Variants in SMC3 observed in about 807,000 individuals in gnomAD.
The protein encoded by SMC3 is structural maintenance of chromosomes 3, also known as structural maintenance of chromosomes protein 3.
In SMC3, 20 loss-of-function variants were observed where a neutral mutation model predicts 171.8. The ratio of observed to expected loss-of-function variants is 0.12; its 90% CI spans 0.08 to 0.17. The LOEUF (loss-of-function observed/expected upper bound fraction) is 0.17, where lower values mean the gene tolerates loss of function less well. Ranked by LOEUF, SMC3 falls within the 10% of genes least tolerant of loss-of-function variation. The probability of loss-of-function intolerance (pLI) is 1.00; values close to 1 mark genes in which losing one functional copy is unlikely to be tolerated. For missense variants in SMC3, 543 were observed against 1,420.4 expected, an observed-to-expected ratio of 0.38 and a Z score of 9.93; for synonymous variants, 464 against 451.1, an observed-to-expected ratio of 1.03 and a Z score of -0.36.
intron 13 of SMC3, among the ~76,000 whole-genome samples, chr10:110,587,157 C>T (rs898191856): frequency 3.3e-5 from 5 of 152,230 alleles, no homozygotes; most frequent in South Asian, 2.1e-4. Flanking sequence ...GTATCTTGGC[C>T]GTAGCAACTG....
intron 10 of SMC3, 136 bp downstream of exon 10, chr10:110,582,778 C>T (rs758619714): frequency 6.5e-5 from 45 of 696,480 alleles, no homozygotes; most frequent in Non-Finnish European, 1.1e-4. Context: ...AGGCAATCCT[C>T]TTGCCGCAGC....
At chr10:110,596,933 G>A (rs1397237281) in intron 19 of SMC3, among the ~76,000 whole-genome samples, 3 of 151,772 alleles carry the variant, frequency 2.0e-5, no homozygotes, top group Non-Finnish European at 1.5e-5. Flanking sequence ...GAAGAGAGTG[G>A]GGGCGGCATC....
Position 110,590,436 on chromosome 10 carries a change from A to G in SMC3, c.1534A>G (p.Ile512Val). 6.2e-7 allele frequency: 1 copy of G among 1,614,088 alleles called. No homozygotes were observed. Reference sequence around the variant, plus strand: ...GGCCATTTTAAATGGAATAGACAGCATAAACAAAGTGCTAGACCACTTCCG... The same window carrying G: ...GGCCATTTTAAATGGAATAGACAGCGTAAACAAAGTGCTAGACCACTTCCG... ...GKAILNGIDS[I>V]NKVLDHFRRK... is the part of the protein sequence containing the mutation. The change falls in exon 16 of 29, where the codon ATA (isoleucine) becomes GTA (valine). Residue 512 changes from isoleucine (I) to valine (V), a missense_variant. Physicochemically the swap from Ile to Val is conservative, Grantham distance 29. Transcript: ENST00000361804.
chr10:110,597,824 T>C (rs1861324603), intron 19 of SMC3, among the ~76,000 whole-genome samples: 1 of 152,248 alleles, frequency 6.6e-6, no homozygotes, highest in Non-Finnish European at 1.5e-5. Flanking sequence ...TGAAAAGATA[T>C]TTAAAAGTAT....
At chr10:110,596,353 G>A (rs1225539185) in intron 18 of SMC3, 45 bp from the exon 19 acceptor site, 1 of 1,528,378 alleles carries the variant, frequency 6.5e-7, no homozygotes, top group Middle Eastern at 1.7e-4. Context: ...ATTTATCATT[G>A]AATAAAAAAG....
Position 110,601,008 on chromosome 10 carries a change from A to AT in SMC3, c.2536-8dup, listed in dbSNP as rs1861378063. 3 of 1,594,104 alleles carry AT rather than the reference A, an allele frequency of 1.9e-6. No individual in the cohort carries two copies. Among genetic ancestry groups the AT allele is most frequent in the East Asian group, 2.2e-5 (1 of 44,682 alleles). ...AACATTTGAAACTAATGGAATTTGT[A>AT]TTTTTTGTTACAGGAACTTAATGAG... On this transcript the variant is annotated splice_polypyrimidine_tract_variant and intron_variant, in intron 22 of 28. Coordinates refer to ENST00000361804, the MANE Select transcript of SMC3 (RefSeq NM_005445.4).
intron 16 of SMC3, 22 bp from the exon 17 acceptor site, chr10:110,590,969 G>GTC: frequency 6.2e-7 from 1 of 1,610,342 alleles, no homozygotes; most frequent in East Asian, 2.2e-5. Context: ...ATAAAGATTT[G>GTC]TCTTACTCTG....
intron 27 of SMC3, 72 bp downstream of exon 27, chr10:110,603,074 AAAATC>A (rs1343888420): frequency 1.9e-6 from 3 of 1,571,608 alleles, no homozygotes; most frequent in Non-Finnish European, 1.8e-6. Context: ...TATATATGAA[AAAATC>A]AAACTCAGGC....
Position 110,583,874 on chromosome 10 carries a change from G to GA in SMC3, c.1009dup (p.Ile337AsnfsTer28), listed in dbSNP as rs1861068352. 1 of 1,612,996 alleles carries GA rather than the reference G, an allele frequency of 6.2e-7. No individual in the cohort carries two copies. Among genetic ancestry groups the GA allele is most frequent in the Admixed American group, 1.7e-5 (1 of 59,942 alleles). ...ATTAAAAGAGAGGCAGAAGCTGCTT[G>GA]AAAAAATAGAAGAAAAGCAGAAAGA... On this transcript the variant is annotated frameshift_variant, in exon 12 of 29. Coordinates refer to ENST00000361804, the MANE Select transcript of SMC3 (RefSeq NM_005445.4). LOFTEE classifies it high-confidence loss of function.
At chr10:110,585,154 A>G (rs966063813) in intron 13 of SMC3, among the ~76,000 whole-genome samples, 1 of 150,356 alleles carries the variant, frequency 6.7e-6, no homozygotes, top group Non-Finnish European at 1.5e-5. Context: ...CTAATTTTGT[A>G]TTTTTAGTAG....
intron 24 of SMC3, 28 bp downstream of exon 24, chr10:110,601,912 C>CA: frequency 6.2e-7 from 1 of 1,612,932 alleles, no homozygotes; most frequent in Non-Finnish European, 8.5e-7. Context: ...AGTCTTGTTA[C>CA]AAATTGCTCA....
At chr10:110,600,651 CAG>C in intron 22 of SMC3, 105 bp downstream of exon 22, 1 of 728,386 alleles carries the variant, frequency 1.4e-6, no homozygotes, top group Middle Eastern at 2.4e-4. Context: ...GCTTTGGGGA[CAG>C]AAAGCTTAGT....
chr10:110,603,203 T>C lies in SMC3; in HGVS notation c.3495T>C (p.Ala1165=), dbSNP rs142395521. ...TTACAGATATGATTATGGAACTTGC[T>C]GTACATGCTCAGTTTATTACAACTA... ...KAVSDMIMEL[A]VHAQFITTTF... The change falls in exon 28 of 29, where the codon GCT becomes GCC. Residue 1165 remains alanine, a synonymous_variant. Coordinates refer to ENST00000361804, the MANE Select transcript of SMC3 (RefSeq NM_005445.4). 10 of 1,607,146 alleles carry C rather than the reference T, an allele frequency of 6.2e-6. No homozygotes were observed. Among genetic ancestry groups the C allele is most frequent in the African/African-American group, 1.3e-5 (1 of 74,762 alleles).
intron 1 of SMC3, 31 bp downstream of exon 1, chr10:110,567,862 T>A: frequency 1.2e-6 from 2 of 1,613,050 alleles, no homozygotes; most frequent in South Asian, 1.1e-5. Flanking sequence ...CACCCCGTCA[T>A]GGGCCGGTAA....
rs200186033 is a variant in SMC3, at chr10:110,582,547, T to TG, written c.724-14dup. 6.4e-7 allele frequency: 1 copy of TG among 1,561,642 alleles called. No homozygotes were observed. Among genetic ancestry groups the TG allele is most frequent in the African/African-American group, 1.5e-5 (1 of 68,718 alleles). ...ACAAAATGAGTTAGATATGATAAGT[T>TG]GTTTTTTTTCTTAGCTTTCTGCTAA... On this transcript the variant is annotated splice_polypyrimidine_tract_variant and intron_variant, in intron 9 of 28. Transcript: ENST00000361804.
chr10:110,584,775 C>T (rs1861083697), intron 13 of SMC3, among the ~76,000 whole-genome samples: 1 of 152,112 alleles, frequency 6.6e-6, no homozygotes, highest in African/African-American at 2.4e-5. Context: ...CATGTATCAC[C>T]AGGCCCAGCA....
chr10:110,579,830 T>C lies in SMC3; in HGVS notation c.430-1074T>C, dbSNP rs576938178. 8.5e-5 allele frequency among the ~76,000 whole-genome samples: 13 copies of C among 152,358 alleles called. No individual in the cohort carries two copies. The South Asian group carries it at 2.5e-3, about 29-fold the overall frequency. ...TTGATGTAGATACTTTTGATAGACC[T>C]ATTTTCGTAGAGATAATTTCAATTT... is the stretch of plus-strand genomic sequence containing the variant. On this transcript the variant is annotated intron_variant, in intron 7 of 28. Coordinates refer to ENST00000361804, the MANE Select transcript of SMC3 (RefSeq NM_005445.4).
At chr10:110,598,005 G>T (rs1861328061) in intron 19 of SMC3, 134 bp from the exon 20 acceptor site, 2 of 772,948 alleles carry the variant, frequency 2.6e-6, no homozygotes, top group Admixed American at 4.6e-5. Flanking sequence ...CATTGTTTTG[G>T]TCCATAAATT....
chr10:110,599,728 G>A lies in SMC3; in HGVS notation c.2343G>A (p.Leu781=), dbSNP rs1189519944. 9 of 1,613,958 alleles carry A rather than the reference G, an allele frequency of 5.6e-6. No individual in the cohort carries two copies. The African/African-American group carries it at 1.2e-4, about 22-fold the overall frequency. ...CCAGAGAGTCATTGAAAGCAGAACT[G>A]GGAACTGATTTGCTTTCTCAACTGA... ...ESTRESLKAE[L]GTDLLSQLSL... The change falls in exon 21 of 29, where the codon CTG becomes CTA. Residue 781 remains leucine, a synonymous_variant. Transcript: ENST00000361804.
Sources: allele counts gnomAD v4.1 joint callset (sites outside exome capture counted in the v4.1 genomes callset), GRCh38; gene constraint gnomAD v4.1.1; transcripts MANE v1.5; gene names NCBI Gene and HGNC (gene_info 2026-07-23, HGNC 2026-07-21).